The following URB1 variants were observed in gnomAD, a reference collection of about 807,000 sequenced individuals.
URB1 encodes URB1 ribosome biogenesis factor.
URB1 carries 197 observed loss-of-function variants against 242.3 expected under a neutral mutation model. The observed-to-expected ratio is 0.81, with a 90% CI of 0.72 to 0.91. The LOEUF (loss-of-function observed/expected upper bound fraction) is 0.91. URB1 is among the 40% of genes least tolerant of loss of function. The pLI is 0.00. For missense variants in URB1, 2,721 were observed against 2,860.5 expected (o/e 0.95, Z 1.11); for synonymous variants, 1,153 against 1,201.8 (o/e 0.96, Z 0.84).
chr21:32,365,334 C>G (rs777614010), intron 10 of URB1, among the ~76,000 whole-genome samples: 10 of 151,862 alleles, frequency 6.6e-5, no homozygotes, highest in Non-Finnish European at 1.0e-4. Context: ...ACCTGTAGTC[C>G]CAGCTACTCA....
rs1166617779 is a variant in URB1, at chr21:32,392,779, G to A, written c.132C>T (p.Gly44=). The change falls in exon 1 of 39, where the codon GGC becomes GGT. Residue 44 remains glycine (G), a synonymous_variant. Coordinates refer to ENST00000382751, the MANE Select transcript of URB1 (RefSeq NM_014825.3). Reference sequence around the variant, plus strand: ...CCGCCCCGGACTCACCTGGCCCGGGGCCCTGCGGGTCCTTCAGCTGAGCCT... The same window carrying A: ...CCGCCCCGGACTCACCTGGCCCGGGACCCTGCGGGTCCTTCAGCTGAGCCT... The part of the protein sequence containing the change: ...RFKAQLKDPQ[G]PGPGLEAFVS... 5 of 1,483,616 alleles carry A rather than the reference G, an allele frequency of 3.4e-6. No homozygotes were observed. Among genetic ancestry groups the A allele is most frequent in the East Asian group, 2.7e-5 (1 of 37,524 alleles). The allele number at this position is 1,483,616 out of a possible 1,614,324, so 91.9% of individuals were successfully genotyped here. A position where few individuals can be genotyped will look rare whatever the true frequency, so the allele number is the denominator to read the frequency against.
In URB1 at chr21:32,349,455, A is replaced by C; in HGVS notation, c.2861T>G (p.Leu954Arg). The change falls in exon 21 of 39, where the codon CTG (leucine) becomes CGG (arginine). Residue 954 changes from leucine (L) to arginine (R), a missense_variant. By Grantham distance (102) the Leu-to-Arg change is moderately radical. Coordinates refer to ENST00000382751, the MANE Select transcript of URB1 (RefSeq NM_014825.3). Reference protein sequence around the residue: ...QLGRSVGPPLLQLFLDLLRRL... With the variant: ...QLGRSVGPPLRQLFLDLLRRL... ...CCTGAGGAGATCCAGGAAGAGCTGCAGGAGGGGCGGGCCCACACTTCTGCC... is the reference window on the plus strand; with the variant it reads ...CCTGAGGAGATCCAGGAAGAGCTGCCGGAGGGGCGGGCCCACACTTCTGCC... 1 of 1,550,782 alleles carries C rather than the reference A, an allele frequency of 6.4e-7. No homozygotes were observed. The highest frequency in any genetic ancestry group is 8.7e-7 in the Non-Finnish European group (1 of 1,146,760).
chr21:32,345,236 T>G, intron 23 of URB1, 138 bp downstream of exon 23: 1 of 956,696 alleles, frequency 1.0e-6, no homozygotes, highest in Non-Finnish European at 1.5e-6. Flanking sequence ...TGGCTGGAAG[T>G]AGAGTTCTCA....
At chr21:32,339,254 A>G (rs1247200165) in intron 25 of URB1, among the ~76,000 whole-genome samples, 1 of 152,220 alleles carries the variant, frequency 6.6e-6, no homozygotes, top group Non-Finnish European at 1.5e-5. Flanking sequence ...TCGGCCTCCC[A>G]AAGTGCAGGG....
intron 15 of URB1, among the ~76,000 whole-genome samples, chr21:32,356,156 G>C (rs2033217728): frequency 6.6e-6 from 1 of 152,202 alleles, no homozygotes; most frequent in Non-Finnish European, 1.5e-5. Context: ...TGAGGTGTGA[G>C]AATTGCTTGA....
intron 17 of URB1, among the ~76,000 whole-genome samples, chr21:32,354,648 C>T (rs527318311): frequency 8.5e-5 from 13 of 152,296 alleles, no homozygotes; most frequent in African/African-American, 3.1e-4. Context: ...CTACCTGGCA[C>T]CCAGTAAATA....
chr21:32,317,441 C>A (rs979582666), intron 37 of URB1, among the ~76,000 whole-genome samples: 3 of 152,178 alleles, frequency 2.0e-5, no homozygotes, highest in African/African-American at 7.2e-5. Context: ...CAGGTGAGCA[C>A]CATGATACTA....
rs761781402 is a variant in URB1, at chr21:32,347,191, G to A, written c.3633C>T (p.Ala1211=). The A allele has an allele frequency of 6.5e-7, 1 of 1,549,974 alleles. No individual in the cohort carries two copies. The highest frequency in any genetic ancestry group is 8.7e-7 in the Non-Finnish European group (1 of 1,146,722). The change falls in exon 22 of 39, where the codon GCC becomes GCT. Residue 1211 remains alanine, a synonymous_variant. Coordinates refer to ENST00000382751, the MANE Select transcript of URB1 (RefSeq NM_014825.3). ...CAAGCAGATCAGCCCCGACTGCGGG[G>A]GCCAGCACAGGGTCTCTCTGCAGAG... ...LHTLQRDPVL[A]PAVGADLLDY...
chr21:32,392,822 A>G lies in URB1; in HGVS notation c.89T>C (p.Leu30Pro). 2 of 1,532,184 alleles carry G rather than the reference A, an allele frequency of 1.3e-6. No individual in the cohort carries two copies. Among genetic ancestry groups the G allele is most frequent in the Non-Finnish European group, 1.7e-6 (2 of 1,144,752 alleles). 94.9% of individuals were successfully genotyped at this position (1,532,184 alleles called of 1,614,324 possible). A position where few individuals can be genotyped will look rare whatever the true frequency, so the allele number is the denominator to read the frequency against. ...CTGAGCCTTGAACCGCACGCCCGTG[A>G]GCTCTTCTTTGCGGGCGCGCTTGGC... ...GAAKRARKEE[L>P]TGVRFKAQLK... Residue 30 changes from leucine (L) to proline (P), a missense_variant, in exon 1 of 39, where the codon CTC (leucine) becomes CCC (proline). By Grantham distance (98) the Leu-to-Pro change is moderately conservative. Coordinates refer to ENST00000382751, the MANE Select transcript of URB1 (RefSeq NM_014825.3).
At chr21:32,365,121 T>A (rs369769581) in intron 10 of URB1, among the ~76,000 whole-genome samples, 6 of 152,116 alleles carry the variant, frequency 3.9e-5, no homozygotes, top group Non-Finnish European at 8.8e-5. Context: ...AGGAGCAAGC[T>A]TGGAAGGGAG....
At chr21:32,384,277 G>C (rs2033557605) in intron 3 of URB1, 36 bp downstream of exon 3, 1 of 1,539,236 alleles carries the variant, frequency 6.5e-7, no homozygotes, top group Non-Finnish European at 8.8e-7. Flanking sequence ...CAAACCCAAA[G>C]GCCCATCCTT....
chr21:32,325,972 C>T (rs2032824487), intron 30 of URB1, among the ~76,000 whole-genome samples: 1 of 152,188 alleles, frequency 6.6e-6, no homozygotes, highest in African/African-American at 2.4e-5. Context: ...TAAGCAAAAG[C>T]TACGGTCCAG....
In URB1 at chr21:32,312,131, A is replaced by G; in HGVS notation, c.*2787T>C. The G allele has an allele frequency of 6.5e-7, 1 of 1,545,718 alleles. No homozygotes were observed. The highest frequency in any genetic ancestry group is 8.7e-7 in the Non-Finnish European group (1 of 1,152,126). Reference sequence around the variant, plus strand: ...CTAGGTCAAGTGCAACTAGAGCAGGAGCATCCTATGCCTTTGACAAAGATT... The same window carrying G: ...CTAGGTCAAGTGCAACTAGAGCAGGGGCATCCTATGCCTTTGACAAAGATT... On this transcript the variant is annotated 3_prime_UTR_variant, in exon 39 of 39. Transcript: ENST00000382751.
chr21:32,314,390 G>A lies in URB1; in HGVS notation c.*528C>T. The A allele has an allele frequency of 3.2e-6, 2 of 624,480 alleles. No individual in the cohort carries two copies. The highest frequency in any genetic ancestry group is 1.7e-5 in the South Asian group (1 of 59,420). The allele number at this position is 624,480 out of a possible 1,614,324, so 38.7% of individuals were successfully genotyped here. On this transcript the variant is annotated 3_prime_UTR_variant, in exon 39 of 39. Coordinates refer to ENST00000382751, the MANE Select transcript of URB1 (RefSeq NM_014825.3). ...AGTAGAGATGGGGTTTCACCATGTT[G>A]GGAAGGCTGGTTTCGAACTCCTGAC...
In URB1 at chr21:32,317,662, G is replaced by A. The variant is rs751868613; in HGVS notation, c.6034+14C>T. On this transcript the variant is annotated intron_variant, in intron 37 of 38. Coordinates refer to ENST00000382751, the MANE Select transcript of URB1 (RefSeq NM_014825.3). The stretch of plus-strand genomic sequence containing the variant: ...GTTGGCTACTCTGGGCCAGTCCTGG[G>A]TTCTGACACTCACTCATGAGCTCCC... The A allele has an allele frequency of 1.3e-6, 2 of 1,551,430 alleles. No homozygotes were observed. The highest frequency in any genetic ancestry group is 1.2e-5 in the South Asian group (1 of 84,044).
At chr21:32,318,694 G>C (rs2032723892) in intron 36 of URB1, among the ~76,000 whole-genome samples, 1 of 152,190 alleles carries the variant, frequency 6.6e-6, no homozygotes, top group Non-Finnish European at 1.5e-5. Context: ...TAGAATTGGA[G>C]GGAAATTTAG....
intron 20 of URB1, among the ~76,000 whole-genome samples, chr21:32,349,821 T>C (rs1366319893): frequency 6.6e-6 from 1 of 150,710 alleles, no homozygotes; most frequent in Non-Finnish European, 1.5e-5. Context: ...TGGGCCAGGC[T>C]CAGTGGCTCA....
At chr21:32,380,143 G>A (rs1276468370) in intron 4 of URB1, among the ~76,000 whole-genome samples, 2 of 151,954 alleles carry the variant, frequency 1.3e-5, no homozygotes, top group Admixed American at 1.3e-4. Flanking sequence ...TTTTTCTCAG[G>A]GTGCAAGGAC....
At position 32,347,523 on chromosome 21, in the gene URB1, T is replaced by C; in HGVS notation, c.3301A>G (p.Thr1101Ala). 6.4e-7 allele frequency: 1 copy of C among 1,550,388 alleles called. No homozygotes were observed. Among genetic ancestry groups the C allele is most frequent in the Non-Finnish European group, 8.7e-7 (1 of 1,146,506 alleles). Reference sequence around the variant, plus strand: ...TGCAGGGCCTCCAGCTGCGGCGGGGTCTTTGGTGGTGATGTGGCCGGGCCC... The same window carrying C: ...TGCAGGGCCTCCAGCTGCGGCGGGGCCTTTGGTGGTGATGTGGCCGGGCCC... ...RAGPATSPPKTPPQLEALQEL... is the reference protein window; with the variant it reads ...RAGPATSPPKAPPQLEALQEL... The change falls in exon 22 of 39, where the codon ACC becomes GCC. Residue 1101 changes from threonine (T) to alanine (A), a missense_variant. Thr to Ala is a moderately conservative substitution (Grantham distance 58). Transcript: ENST00000382751.
Sources: gnomAD v4.1 joint callset for allele counts (sites outside exome capture counted in the v4.1 genomes callset) on GRCh38, gnomAD v4.1.1 for gene constraint, MANE v1.5 for transcripts, NCBI Gene and HGNC (gene_info 2026-07-23, HGNC 2026-07-21) for gene names.